Variants in SMARCD3 observed in about 807,000 individuals in gnomAD.
SMARCD3 encodes the protein SWI/SNF-related matrix-associated actin-dependent regulator of chromatin subfamily D member 3.
A neutral mutation model predicts 58.0 loss-of-function variants in SMARCD3; 14 were observed. The observed-to-expected ratio is 0.24, with a 90% confidence interval of 0.16 to 0.38. The LOEUF is 0.38. SMARCD3 is among the 10% of genes least tolerant of loss of function. The pLI, the probability that SMARCD3 is intolerant of heterozygous loss-of-function variation, is 1.00. For missense variants in SMARCD3, 408 were observed against 636.9 expected, an observed-to-expected ratio of 0.64 and a Z score of 3.87; for synonymous variants, 253 against 253.8, an observed-to-expected ratio of 1.00 and a Z score of 0.03.
rs771439427 is a variant in SMARCD3, at chr7:151,240,249, T to C, written c.1038-2A>G. 1 of 1,613,388 alleles carries C rather than the reference T, an allele frequency of 6.2e-7. No homozygotes were observed. Among genetic ancestry groups the C allele is most frequent in the East Asian group, 2.2e-5 (1 of 44,772 alleles). On this transcript the variant is annotated splice_acceptor_variant, in intron 9 of 12. Transcript: ENST00000262188. LOFTEE classifies it high-confidence loss of function. Reference sequence around the variant, plus strand: ...TTCTTCTGGTCTGAAGGGTCCACGCTGCCAGGGAAGTCCAGCCCTTCGTGT... The same window carrying C: ...TTCTTCTGGTCTGAAGGGTCCACGCCGCCAGGGAAGTCCAGCCCTTCGTGT...
In SMARCD3 at chr7:151,242,871, C is replaced by T; in HGVS notation, c.334-28G>A. On this transcript the variant is annotated intron_variant, in intron 3 of 12. Coordinates refer to ENST00000262188, the MANE Select transcript of SMARCD3 (RefSeq NM_001003801.2). The surrounding 1 kb of genome is among the most constrained non-coding windows in gnomAD (Gnocchi z 4.7). ...GGAGAAGGAGGAGCAGGGCAGGAGT[C>T]AGAGGCTCAAGTCCAGGGTTGTACC... 1.2e-6 allele frequency: 2 copies of T among 1,613,120 alleles called. No homozygotes were observed.
rs966020690 is a variant in SMARCD3 at position 151,271,959 on chromosome 7, T to C, written c.39+3155A>G. On this transcript the variant is annotated intron_variant, in intron 2 of 13. Coordinates refer to the SMARCD3 transcript ENST00000356800. The stretch of plus-strand genomic sequence containing the variant: ...GAGCAACAGCGTGAGACTCTGTCTC[T>C]TACAAAAGAGAAAGAGGGTATTTCC... 2.0e-5 allele frequency among the ~76,000 whole-genome samples: 3 copies of C among 152,160 alleles called. 1 individual carries two copies. Among genetic ancestry groups the C allele is most frequent in the Admixed American group, 2.0e-4 (3 of 15,276 alleles).
At chr7:151,275,320 C>A in intron 1 of SMARCD3, 1 of 652,788 alleles carries the variant, frequency 1.5e-6, no homozygotes. Flanking sequence ...TGCGAAGAAG[C>A]CAAACTCCCC....
chr7:151,270,321 G>A (rs1294459692), intron 2 of SMARCD3, among the ~76,000 whole-genome samples: 1 of 152,176 alleles, frequency 6.6e-6, no homozygotes, highest in Non-Finnish European at 1.5e-5. Flanking sequence ...GCATCGTGGT[G>A]GTGTAGAGAG....
Position 151,241,801 on chromosome 7 carries a change from G to A in SMARCD3, c.777+76C>T. 7.0e-7 allele frequency: 1 copy of A among 1,431,024 alleles called. No homozygotes were observed. Among genetic ancestry groups the A allele is most frequent in the Non-Finnish European group, 9.7e-7 (1 of 1,031,066 alleles). The allele number at this position is 1,431,024 out of a possible 1,614,324, so 88.6% of individuals were successfully genotyped here. ...TTGGGAGGGGAAGGAGGTCTCTCAA[G>A]ATGCACCACTTTGGGACCTAGCCCT... On this transcript the variant is annotated intron_variant, in intron 7 of 12. Coordinates refer to ENST00000262188, the MANE Select transcript of SMARCD3 (RefSeq NM_001003801.2). The surrounding 1 kb of genome is among the most constrained non-coding windows in gnomAD (Gnocchi z 5.3).
chr7:151,252,563 A>G (rs1563672265), upstream of SMARCD3, among the ~76,000 whole-genome samples: 1 of 152,140 alleles, frequency 6.6e-6, no homozygotes, highest in Non-Finnish European at 1.5e-5. Context: ...TGTTCTGGCC[A>G]TCTCTAAACC....
At position 151,267,024 on chromosome 7, in the gene SMARCD3, A is replaced by G. The variant is rs573794140; in HGVS notation, c.39+8090T>C. Among the ~76,000 whole-genome samples, 172 of 152,294 alleles carry G rather than the reference A, an allele frequency of 1.1e-3. 1 individual carries two copies. The highest frequency in any genetic ancestry group is 2.0e-3 in the Non-Finnish European group (136 of 68,008). ...ACTGCACCCAGCTGGTGGTATTTAT[A>G]CCACAGGAATTGGCGAACGATACAA... On this transcript the variant is annotated intron_variant, in intron 2 of 13. Coordinates refer to the SMARCD3 transcript ENST00000356800.
In SMARCD3 at chr7:151,246,657, A is replaced by G. The variant is rs1249399093; in HGVS notation, c.79-986T>C. On this transcript the variant is annotated intron_variant, in intron 1 of 12. Coordinates refer to ENST00000262188, the MANE Select transcript of SMARCD3 (RefSeq NM_001003801.2). The surrounding 1 kb of genome is among the most constrained non-coding windows in gnomAD (Gnocchi z 4.4). ...GTCAGGGTTCATGGGGGCTGTGGAG[A>G]CTGAGAGGAGGCGGCTCCTCCTCCC... Among the ~76,000 whole-genome samples, 2 of 151,944 alleles carry G rather than the reference A, an allele frequency of 1.3e-5. No homozygotes were observed.
At chr7:151,269,419 C>A (rs996981102) in intron 2 of SMARCD3, among the ~76,000 whole-genome samples, 1 of 152,238 alleles carries the variant, frequency 6.6e-6, no homozygotes, top group Admixed American at 6.5e-5. Flanking sequence ...AGGGCTCTCT[C>A]CTGCGCCCTG....
upstream of SMARCD3, among the ~76,000 whole-genome samples, chr7:151,250,682 T>C (rs1803484726): frequency 6.6e-6 from 1 of 152,038 alleles, no homozygotes; most frequent in African/African-American, 2.4e-5. Flanking sequence ...CCCAGCACCA[T>C]GAATTGGCAT....
intron 2 of SMARCD3, among the ~76,000 whole-genome samples, chr7:151,255,018 G>A (rs977541703): frequency 2.6e-5 from 4 of 152,168 alleles, no homozygotes; most frequent in Non-Finnish European, 5.9e-5. Flanking sequence ...CTCGTCGCCC[G>A]GCTGTCCTTG....
chr7:151,245,624 G>T lies in SMARCD3; in HGVS notation c.126C>A (p.Pro42=), dbSNP rs1803221998. The T allele has an allele frequency of 8.4e-7, 1 of 1,188,600 alleles. No individual in the cohort carries two copies. Among genetic ancestry groups the T allele is most frequent in the Non-Finnish European group, 1.1e-6 (1 of 949,132 alleles). 73.6% of individuals were successfully genotyped at this position (1,188,600 alleles called of 1,614,324 possible). A position where few individuals can be genotyped will look rare whatever the true frequency, so the allele number is the denominator to read the frequency against. Residue 42 remains proline (P), a synonymous_variant, in exon 2 of 13, where the codon CCC becomes CCA. Coordinates refer to ENST00000262188, the MANE Select transcript of SMARCD3 (RefSeq NM_001003801.2). The surrounding 1 kb of genome is among the most constrained non-coding windows in gnomAD (Gnocchi z 6.2). ...SGARMPHQGA[P]MGPPGSPYMG... is the part of the protein sequence containing the mutation. ...TGTACGGGGAGCCCGGGGGGCCCATGGGCGCCCCCTGGTGGGGCATCCGGG... is the reference window on the plus strand; with the variant it reads ...TGTACGGGGAGCCCGGGGGGCCCATTGGCGCCCCCTGGTGGGGCATCCGGG...
At chr7:151,248,827 G>A (rs1294714820), upstream of SMARCD3, 1 of 362,800 alleles carries the variant, frequency 2.8e-6, no homozygotes, top group East Asian at 1.4e-4. The surrounding 1 kb of genome is among the most constrained non-coding windows in gnomAD (Gnocchi z 6.1). Flanking sequence ...GCGGCCCGGG[G>A]TCTGCCTGTT....
intron 2 of SMARCD3, among the ~76,000 whole-genome samples, chr7:151,256,656 A>C (rs1803708438): frequency 6.6e-6 from 1 of 152,116 alleles, no homozygotes. Flanking sequence ...CAGCACAGTC[A>C]CAAATATGCC....
In SMARCD3 at chr7:151,242,080, G is replaced by C; in HGVS notation, c.675+57C>G. On this transcript the variant is annotated intron_variant, in intron 6 of 12. Coordinates refer to ENST00000262188, the MANE Select transcript of SMARCD3 (RefSeq NM_001003801.2). The surrounding 1 kb of genome is among the most constrained non-coding windows in gnomAD (Gnocchi z 4.7). ...GACCCAAATCTGTGCTGGTTCTTCA[G>C]GGATTCTGGCCTGTGGGAGGGTGGC... 1 of 1,546,706 alleles carries C rather than the reference G, an allele frequency of 6.5e-7. No homozygotes were observed. Among genetic ancestry groups the C allele is most frequent in the Non-Finnish European group, 8.9e-7 (1 of 1,118,850 alleles).
Position 151,242,674 on chromosome 7 carries a change from T to G in SMARCD3, c.456+47A>C. The stretch of plus-strand genomic sequence containing the variant: ...CCCCGACCACCCTGCTTCCCCATCC[T>G]GGTCACACAACTCTAGAGTCCCCTT... On this transcript the variant is annotated intron_variant, in intron 4 of 12. Coordinates refer to ENST00000262188, the MANE Select transcript of SMARCD3 (RefSeq NM_001003801.2). The surrounding 1 kb of genome is among the most constrained non-coding windows in gnomAD (Gnocchi z 4.7). 1 of 1,613,094 alleles carries G rather than the reference T, an allele frequency of 6.2e-7. No homozygotes were observed. The highest frequency in any genetic ancestry group is 8.5e-7 in the Non-Finnish European group (1 of 1,179,216).
intron 10 of SMARCD3, 81 bp downstream of exon 10, chr7:151,240,031 C>G: frequency 7.0e-7 from 1 of 1,431,898 alleles, no homozygotes; most frequent in Admixed American, 1.7e-5. Flanking sequence ...TGCTCATCTG[C>G]AACCACACCC....
Position 151,241,528 on chromosome 7 carries a change from G to A in SMARCD3, c.903C>T (p.Asp301=). Residue 301 remains aspartate, a synonymous_variant, in exon 8 of 13, where the codon GAC becomes GAT. Transcript: ENST00000262188. The surrounding 1 kb of genome is among the most constrained non-coding windows in gnomAD (Gnocchi z 5.3). ...ACTTGTCCCCATTGATGTATTCCTTGTCATGGGAGTCCTGCAGCCTGTTGG... is the reference window on the plus strand; with the variant it reads ...ACTTGTCCCCATTGATGTATTCCTTATCATGGGAGTCCTGCAGCCTGTTGG... The part of the protein sequence containing the change: ...VKTNRLQDSH[D]KEYINGDKYF... 1.2e-6 allele frequency: 2 copies of A among 1,612,252 alleles called. No homozygotes were observed. Among genetic ancestry groups the A allele is most frequent in the East Asian group, 4.5e-5 (2 of 44,858 alleles).
At position 151,238,999 on chromosome 7, in the gene SMARCD3, C is replaced by T. The variant is rs1314173056; in HGVS notation, c.*104G>A. The stretch of plus-strand genomic sequence containing the variant: ...GTCAGATGAATGACTTTTAATCCAG[C>T]CCCACACCCCAAGGTGGCAGAGGAG... On this transcript the variant is annotated 3_prime_UTR_variant, in exon 13 of 13. Coordinates refer to ENST00000262188, the MANE Select transcript of SMARCD3 (RefSeq NM_001003801.2). 2.3e-5 allele frequency: 29 copies of T among 1,250,954 alleles called. No homozygotes were observed. The highest frequency in any genetic ancestry group is 3.4e-5 in the Non-Finnish European group (29 of 851,742). The allele number at this position is 1,250,954 out of a possible 1,614,324, so 77.5% of individuals were successfully genotyped here.
Sources: allele counts gnomAD v4.1 joint callset (sites outside exome capture counted in the v4.1 genomes callset), GRCh38; gene constraint gnomAD v4.1.1; non-coding constraint Gnocchi (gnomAD v3.1); transcripts MANE v1.5; gene names NCBI Gene and HGNC (gene_info 2026-07-23, HGNC 2026-07-21).